The following CHML variants were observed in gnomAD, a reference collection of about 807,000 sequenced individuals.
CHML encodes rab proteins geranylgeranyltransferase component A 2.
Under a neutral mutation model 30.4 loss-of-function variants are expected in CHML, and 20 were observed. The ratio of observed to expected loss-of-function variants is 0.66; its 90% CI spans 0.46 to 0.95. The LOEUF is 0.95. Among genes scored for constraint, CHML ranks in the 40% least tolerant of loss-of-function variants. CHML has a pLI of 0.00. For missense variants in CHML, 795 were observed against 768.5 expected (o/e 1.03, Z -0.41); for synonymous variants, 281 against 275.0 (o/e 1.02, Z -0.22).
Position 241,632,873 on chromosome 1 carries a change from T to C in CHML, c.*923A>G, listed in dbSNP as rs1405842469. 6.6e-6 allele frequency: 1 copy of C among 152,124 alleles called. No homozygotes were observed. The highest frequency in any genetic ancestry group is 1.5e-5 in the Non-Finnish European group (1 of 67,986). 9.4% of individuals were successfully genotyped at this position (152,124 alleles called of 1,614,324 possible). ...ATCTCAGGTTAAAAAGGCCTCACTC[T>C]GTTTCTCCTTAGGAATTCCTAAGAA... On this transcript the variant is annotated 3_prime_UTR_variant, in exon 2 of 2. Transcript: ENST00000366553.
intron 1 of CHML, among the ~76,000 whole-genome samples, chr1:241,637,615 T>A (rs1262736351): frequency 2.0e-5 from 3 of 151,980 alleles, no homozygotes; most frequent in Non-Finnish European, 4.4e-5. Context: ...GAAGACACAA[T>A]CAATAAGCGC....
Position 241,635,318 on chromosome 1 carries a change from C to T in CHML, c.449G>A (p.Ser150Asn), listed in dbSNP as rs1664846086. Residue 150 changes from serine (S) to asparagine (N), a missense_variant, in exon 2 of 2, where the codon AGC (serine) becomes AAC (asparagine). Ser to Asn is a conservative substitution (Grantham distance 46). Coordinates refer to ENST00000366553, the MANE Select transcript of CHML (RefSeq NM_001381853.1). ...PEESQLSYFNSDEMPAKHTQK... is the reference protein window; with the variant it reads ...PEESQLSYFNNDEMPAKHTQK... ...AGTGTGTTTTGCAGGCATTTCGTCG[C>T]TATTAAAATACGATAACTGGCTTTC... 6.2e-7 allele frequency: 1 copy of T among 1,614,014 alleles called. No homozygotes were observed. The highest frequency in any genetic ancestry group is 8.5e-7 in the Non-Finnish European group (1 of 1,179,916).
Position 241,639,883 on chromosome 1 carries a change from G to A in CHML, c.-309C>T, listed in dbSNP as rs774179239. The A allele has an allele frequency of 6.4e-7, 1 of 1,569,466 alleles. No individual in the cohort carries two copies. Among genetic ancestry groups the A allele is most frequent in the African/African-American group, 1.4e-5 (1 of 72,910 alleles). Reference sequence around the variant, plus strand: ...CTGCCTTCTCCCAGTCCAACTCACCGAAGAGGCTGCCGCTAAACCCGTCCC... The same window carrying A: ...CTGCCTTCTCCCAGTCCAACTCACCAAAGAGGCTGCCGCTAAACCCGTCCC... On this transcript the variant is annotated splice_region_variant and 5_prime_UTR_variant, in exon 1 of 2. Transcript: ENST00000366553.
At position 241,629,987 on chromosome 1, in the gene CHML, A is replaced by T. The variant is rs967682235; in HGVS notation, c.*3809T>A. 5.1e-4 allele frequency: 77 copies of T among 152,212 alleles called. No homozygotes were observed. The highest frequency in any genetic ancestry group is 1.9e-3 in the African/African-American group (77 of 41,558). 9.4% of individuals were successfully genotyped at this position (152,212 alleles called of 1,614,324 possible). A position where few individuals can be genotyped will look rare whatever the true frequency, so the allele number is the denominator to read the frequency against. ...CTAAATAATTTATTACAATTATGCC[A>T]TATTCCACACAGCAACCAGTTGGAA... is the stretch of plus-strand genomic sequence containing the variant. On this transcript the variant is annotated 3_prime_UTR_variant, in exon 2 of 2. Coordinates refer to ENST00000366553, the MANE Select transcript of CHML (RefSeq NM_001381853.1).
rs1362247864 is a variant in CHML at position 241,629,790 on chromosome 1, C to T, written c.*4006G>A. ...GACATCTAGCTAGTCTTTCCACCAG[C>T]AGTTATTAATATTTCTTTCTTTCCA... On this transcript the variant is annotated 3_prime_UTR_variant, in exon 2 of 2. Coordinates refer to ENST00000366553, the MANE Select transcript of CHML (RefSeq NM_001381853.1). 2 of 152,018 alleles carry T rather than the reference C, an allele frequency of 1.3e-5. No individual in the cohort carries two copies. The highest frequency in any genetic ancestry group is 2.9e-5 in the Non-Finnish European group (2 of 67,924). The allele number at this position is 152,018 out of a possible 1,614,324, so 9.4% of individuals were successfully genotyped here.
chr1:241,634,088 G>A lies in CHML; in HGVS notation c.1679C>T (p.Ser560Leu), dbSNP rs773214626. The change falls in exon 2 of 2, where the codon TCG (serine) becomes TTG (leucine). Residue 560 changes from serine to leucine, a missense_variant. Physicochemically the swap from Ser to Leu is moderately radical, Grantham distance 145. Coordinates refer to ENST00000366553, the MANE Select transcript of CHML (RefSeq NM_001381853.1). ...WALYFNMRDS[S>L]GISRSSYNGL... Reference sequence around the variant, plus strand: ...ATTATACGAGCTTCTGCTGATTCCCGAGGAATCTCTCATATTAAAATAAAG... The same window carrying A: ...ATTATACGAGCTTCTGCTGATTCCCAAGGAATCTCTCATATTAAAATAAAG... The A allele has an allele frequency of 3.4e-5, 54 of 1,611,080 alleles. No individual in the cohort carries two copies. Among genetic ancestry groups the A allele is most frequent in the East Asian group, 1.1e-4 (5 of 44,874 alleles).
chr1:241,632,547 C>T lies in CHML; in HGVS notation c.*1249G>A, dbSNP rs374757763. On this transcript the variant is annotated 3_prime_UTR_variant, in exon 2 of 2. Coordinates refer to ENST00000366553, the MANE Select transcript of CHML (RefSeq NM_001381853.1). ...AGCAAGTTCATGTCTTCTGACAGCT[C>T]CACAGGTTTTCACCATTAGAGTACT... 19 of 152,042 alleles carry T rather than the reference C, an allele frequency of 1.2e-4. No homozygotes were observed. The highest frequency in any genetic ancestry group is 4.3e-4 in the African/African-American group (18 of 41,394). The allele number at this position is 152,042 out of a possible 1,614,324, so 9.4% of individuals were successfully genotyped here.
chr1:241,639,033 T>A (rs1449551773), intron 1 of CHML: 1 of 152,254 alleles, frequency 6.6e-6, no homozygotes, highest in African/African-American at 2.4e-5. Context: ...TTCAATGATT[T>A]GCTGAGTTGT....
At position 241,630,272 on chromosome 1, in the gene CHML, T is replaced by G. The variant is rs1193519187; in HGVS notation, c.*3524A>C. The G allele has an allele frequency of 1.3e-5, 2 of 152,062 alleles. No homozygotes were observed. The highest frequency in any genetic ancestry group is 2.9e-5 in the Non-Finnish European group (2 of 67,934). The allele number at this position is 152,062 out of a possible 1,614,324, so 9.4% of individuals were successfully genotyped here. A position where few individuals can be genotyped will look rare whatever the true frequency, so the allele number is the denominator to read the frequency against. On this transcript the variant is annotated 3_prime_UTR_variant, in exon 2 of 2. Transcript: ENST00000366553. ...CCCATGTACTACTTTTCCACTACACTGGCATGGCTCCCATGGGAGTTTGTT... is the reference window on the plus strand; with the variant it reads ...CCCATGTACTACTTTTCCACTACACGGGCATGGCTCCCATGGGAGTTTGTT...
In CHML at chr1:241,635,596, G is replaced by C. The variant is rs774646424; in HGVS notation, c.171C>G (p.Ser57=). ...WASFSFSGLL[S]WLKEYQQNND... is the part of the protein sequence containing the mutation. ...TGTTTTGCTGATACTCCTTCAACCA[G>C]GATAGCAATCCTGAAAAGCTGAAAC... The change falls in exon 2 of 2, where the codon TCC becomes TCG. Residue 57 remains serine, a synonymous_variant. Transcript: ENST00000366553. 2 of 1,614,098 alleles carry C rather than the reference G, an allele frequency of 1.2e-6. No individual in the cohort carries two copies. Among genetic ancestry groups the C allele is most frequent in the Admixed American group, 3.3e-5 (2 of 60,018 alleles).
At chr1:241,638,283 G>C (rs910855759) in intron 1 of CHML, among the ~76,000 whole-genome samples, 3 of 152,132 alleles carry the variant, frequency 2.0e-5, no homozygotes, top group Non-Finnish European at 4.4e-5. Flanking sequence ...AACAGGAAGG[G>C]AGAAGTGACC....
Position 241,629,586 on chromosome 1 carries a change from T to G in CHML, c.*4210A>C, listed in dbSNP as rs1256837265. 1 of 152,170 alleles carries G rather than the reference T, an allele frequency of 6.6e-6. No homozygotes were observed. The highest frequency in any genetic ancestry group is 1.5e-5 in the Non-Finnish European group (1 of 67,970). The allele number at this position is 152,170 out of a possible 1,614,324, so 9.4% of individuals were successfully genotyped here. On this transcript the variant is annotated 3_prime_UTR_variant, in exon 2 of 2. Transcript: ENST00000366553. Reference sequence around the variant, plus strand: ...TTCTTTTAAATTCCATCTTGTTTTGTCTTTTTCCTATTTACTACACATTTA... The same window carrying G: ...TTCTTTTAAATTCCATCTTGTTTTGGCTTTTTCCTATTTACTACACATTTA...
rs764888361 is a variant in CHML, at chr1:241,634,930, G to A, written c.837C>T (p.Ser279=). The part of the protein sequence containing the change: ...REGKVEQVPC[S]RADVFNSKEL... Reference sequence around the variant, plus strand: ...CCTTGCTATTAAAGACATCTGCTCTGGAACAAGGAACTTGTTCTACCTTTC... The same window carrying A: ...CCTTGCTATTAAAGACATCTGCTCTAGAACAAGGAACTTGTTCTACCTTTC... Residue 279 remains serine (S), a synonymous_variant, in exon 2 of 2, where the codon TCC becomes TCT. Transcript: ENST00000366553. 21 of 1,612,556 alleles carry A rather than the reference G, an allele frequency of 1.3e-5. No homozygotes were observed. The South Asian group carries it at 2.3e-4, about 18-fold the overall frequency.
rs145858464 is a variant in CHML, at chr1:241,634,302, C to T, written c.1465G>A (p.Val489Ile). The T allele has an allele frequency of 6.8e-6, 11 of 1,613,914 alleles. No homozygotes were observed. Among genetic ancestry groups the T allele is most frequent in the South Asian group, 3.3e-5 (3 of 91,080 alleles). Reference sequence around the variant, plus strand: ...GAAGAACATAATTCTGTGACCCGTACAGCACAAGCTCCTGGCTCTGCTGGA... The same window carrying T: ...GAAGAACATAATTCTGTGACCCGTATAGCACAAGCTCCTGGCTCTGCTGGA... The part of the protein sequence containing the change: ...VPPAEPGACA[V>I]RVTELCSSTM... Residue 489 changes from valine (V) to isoleucine (I), a missense_variant, in exon 2 of 2, where the codon GTA becomes ATA. Coordinates refer to ENST00000366553, the MANE Select transcript of CHML (RefSeq NM_001381853.1).
Position 241,640,239 on chromosome 1 carries a change from G to A in CHML, c.-665C>T. On this transcript the variant is annotated 5_prime_UTR_variant, in exon 1 of 2. Transcript: ENST00000366553. ...TCCCAGTAGCCGTGGCCGCCGCTGC[G>A]GTTCCCCGAGTACATGGCCCGGCGC... The A allele has an allele frequency of 6.9e-6, 9 of 1,310,318 alleles. No homozygotes were observed. The highest frequency in any genetic ancestry group is 8.7e-6 in the Non-Finnish European group (9 of 1,036,788). 81.2% of individuals were successfully genotyped at this position (1,310,318 alleles called of 1,614,324 possible). A position where few individuals can be genotyped will look rare whatever the true frequency, so the allele number is the denominator to read the frequency against.
chr1:241,639,305 G>T (rs1020350036), intron 1 of CHML: 2 of 152,180 alleles, frequency 1.3e-5, no homozygotes, highest in Non-Finnish European at 2.9e-5. Context: ...GCATTCTGAG[G>T]ACCTGAATGA....
At chr1:241,639,772 C>CGAGCGGGAAGCG in intron 1 of CHML, 110 bp downstream of exon 1, 1 of 1,017,936 alleles carries the variant, frequency 9.8e-7, no homozygotes. Context: ...GGCGCGGGGC[C>CGAGCGGGAAGCG]GAGCGGGAAG....
rs887887489 is a variant in CHML at position 241,631,144 on chromosome 1, T to G, written c.*2652A>C. On this transcript the variant is annotated 3_prime_UTR_variant, in exon 2 of 2. Transcript: ENST00000366553. ...CAGAAAATTATACTGGGTTACAATATCCCCTAAATTTTTAAATGCTTTTTA... is the reference window on the plus strand; with the variant it reads ...CAGAAAATTATACTGGGTTACAATAGCCCCTAAATTTTTAAATGCTTTTTA... The G allele has an allele frequency of 2.0e-5, 3 of 152,100 alleles. No individual in the cohort carries two copies. The highest frequency in any genetic ancestry group is 4.4e-5 in the Non-Finnish European group (3 of 67,968). 9.4% of individuals were successfully genotyped at this position (152,100 alleles called of 1,614,324 possible). A position where few individuals can be genotyped will look rare whatever the true frequency, so the allele number is the denominator to read the frequency against.
chr1:241,640,182 CCGGCCCCTCAGCGCCCG>C lies in CHML; in HGVS notation c.-625_-609del. 1.4e-5 allele frequency: 20 copies of C among 1,403,544 alleles called. No homozygotes were observed. Among genetic ancestry groups the C allele is most frequent in the Non-Finnish European group, 1.8e-5 (20 of 1,083,882 alleles). The allele number at this position is 1,403,544 out of a possible 1,614,324, so 86.9% of individuals were successfully genotyped here. A position where few individuals can be genotyped will look rare whatever the true frequency, so the allele number is the denominator to read the frequency against. On this transcript the variant is annotated 5_prime_UTR_variant, in exon 1 of 2. An upstream open reading frame in the 5' UTR gains an earlier in-frame stop. Coordinates refer to ENST00000366553, the MANE Select transcript of CHML (RefSeq NM_001381853.1). ...GCGGGGCTCAGTGTCCCCGCCGGCG[CCGGCCCCTCAGCGCCCG>C]CGGCCCCGCCGCCGTCCCAGTAGCC...
Sources: allele counts gnomAD v4.1 joint callset (sites outside exome capture counted in the v4.1 genomes callset), GRCh38; gene constraint gnomAD v4.1.1; transcripts MANE v1.5; gene names NCBI Gene and HGNC (gene_info 2026-07-23, HGNC 2026-07-21).